The following VPS13B variants were observed in gnomAD, a reference collection of about 807,000 sequenced individuals.
The protein encoded by VPS13B is vacuolar protein sorting 13 homolog B.
VPS13B carries 285 observed loss-of-function variants against 426.4 expected under a neutral mutation model. The observed-to-expected ratio is 0.67, with a 90% confidence interval of 0.61 to 0.74. VPS13B has a LOEUF of 0.74. Ranked by LOEUF, VPS13B falls within the 30% of genes least tolerant of loss-of-function variation. VPS13B has a pLI of 0.00. For synonymous variants in VPS13B, 1,676 were observed against 1,676.4 expected (o/e 1.00, Z 0.01); for missense variants, 4,537 against 4,782.6 (o/e 0.95, Z 1.51).
At chr8:99,199,690 A>G (rs1462583334) in intron 17 of VPS13B, among the ~76,000 whole-genome samples, 1 of 152,030 alleles carries the variant, frequency 6.6e-6, no homozygotes, top group Non-Finnish European at 1.5e-5. Context: ...TTTGAGCACT[A>G]GCTTTATTTT....
chr8:99,507,777 G>A (rs1821577573), intron 28 of VPS13B: 3 of 1,613,890 alleles, frequency 1.9e-6, no homozygotes, highest in African/African-American at 1.3e-5. Context: ...AAGCCTTGGG[G>A]AAGAGTGTTG....
rs756908532 is a variant in VPS13B, at chr8:99,876,911, G to C, written c.*1245G>C. 5.3e-5 allele frequency: 8 copies of C among 152,128 alleles called. No individual in the cohort carries two copies. The highest frequency in any genetic ancestry group is 8.8e-5 in the Non-Finnish European group (6 of 68,034). The allele number at this position is 152,128 out of a possible 1,614,324, so 9.4% of individuals were successfully genotyped here. A position where few individuals can be genotyped will look rare whatever the true frequency, so the allele number is the denominator to read the frequency against. On this transcript the variant is annotated 3_prime_UTR_variant, in exon 62 of 62. Transcript: ENST00000357162. Reference sequence around the variant, plus strand: ...TGTCACCCAGGCTAGAGTACAGTGGGAACAGTCATGGCTCACTGCAGCTTA... The same window carrying C: ...TGTCACCCAGGCTAGAGTACAGTGGCAACAGTCATGGCTCACTGCAGCTTA...
intron 3 of VPS13B, among the ~76,000 whole-genome samples, chr8:99,064,580 C>A: frequency 6.6e-6 from 1 of 152,242 alleles, no homozygotes; most frequent in African/African-American, 2.4e-5. Flanking sequence ...AAGAAATGAA[C>A]AAAGCCTTCA....
intron 17 of VPS13B, among the ~76,000 whole-genome samples, chr8:99,220,780 C>CTTTTTT (rs5893485): frequency 5.8e-4 from 65 of 112,862 alleles, no homozygotes; most frequent in African/African-American, 9.1e-4. Flanking sequence ...TAGTTTTATT[C>CTTTTTT]TTTTTTTTTT....
chr8:99,356,471 G>A (rs1812189028), intron 19 of VPS13B, among the ~76,000 whole-genome samples: 1 of 152,070 alleles, frequency 6.6e-6, no homozygotes, highest in African/African-American at 2.4e-5. Flanking sequence ...AACATGGTGA[G>A]ACCCTGTCTC....
intron 7 of VPS13B, 51 bp from the exon 8 acceptor site, chr8:99,121,126 C>T: frequency 1.3e-6 from 2 of 1,548,346 alleles, no homozygotes; most frequent in Non-Finnish European, 1.8e-6. Context: ...TTTCTATTCT[C>T]TTAGTTAAAT....
intron 23 of VPS13B, among the ~76,000 whole-genome samples, chr8:99,444,195 T>C (rs1277530621): frequency 6.6e-6 from 1 of 151,864 alleles, no homozygotes; most frequent in Non-Finnish European, 1.5e-5. Context: ...GCCTCCCAGG[T>C]TCAAACAATT....
In VPS13B at chr8:99,842,292, A is replaced by AC. The variant is rs544486793; in HGVS notation, c.9943-6483dup. ...ACTTGCAGCAAAAGATGAGTGTGAT[A>AC]CTATCTGCAACTTAAATGTTCAAAA... On this transcript the variant is annotated intron_variant, in intron 54 of 61. Coordinates refer to ENST00000357162, the MANE Select transcript of VPS13B (RefSeq NM_152564.5). 3.6e-3 allele frequency among the ~76,000 whole-genome samples: 548 copies of AC among 152,308 alleles called. 1 individual carries two copies. Among genetic ancestry groups the AC allele is most frequent in the African/African-American group, 0.011 (473 of 41,558 alleles).
At chr8:99,801,971 A>C (rs1202983201) in intron 43 of VPS13B, among the ~76,000 whole-genome samples, 1 of 152,106 alleles carries the variant, frequency 6.6e-6, no homozygotes, top group African/African-American at 2.4e-5. Context: ...GCAACACGGC[A>C]AAACACTATC....
intron 19 of VPS13B, among the ~76,000 whole-genome samples, chr8:99,312,849 T>C (rs1159144169): frequency 1.3e-5 from 2 of 152,246 alleles, no homozygotes; most frequent in African/African-American, 2.4e-5. Context: ...CCATATTTCT[T>C]GGAGGCTTTG....
intron 21 of VPS13B, among the ~76,000 whole-genome samples, chr8:99,430,616 A>G (rs531650966): frequency 1.7e-4 from 26 of 152,130 alleles, no homozygotes; most frequent in Non-Finnish European, 3.5e-4. Context: ...TTTAAATAAT[A>G]TAGGGAGTGG....
At chr8:99,417,769 A>G (rs762206617) in intron 21 of VPS13B, among the ~76,000 whole-genome samples, 1 of 151,682 alleles carries the variant, frequency 6.6e-6, no homozygotes. Flanking sequence ...TCTCCTCTTT[A>G]TTCCCCTTAC....
In VPS13B at chr8:99,257,447, G is replaced by C. The variant is rs112550455; in HGVS notation, c.2516-16751G>C. ...GAGAGTGCCTTGTGGCATACAGTGA[G>C]TTAAACTAAAGAAAGGAGAATAATC... is the stretch of plus-strand genomic sequence containing the variant. On this transcript the variant is annotated intron_variant, in intron 17 of 61. Transcript: ENST00000357162. Among the ~76,000 whole-genome samples the C allele has an allele frequency of 3.8e-3, 586 of 152,244 alleles. 6 individuals carry two copies. The highest frequency in any genetic ancestry group is 0.013 in the African/African-American group (521 of 41,560).
At chr8:99,717,439 G>A in intron 37 of VPS13B, 66 bp downstream of exon 37, 1 of 1,402,928 alleles carries the variant, frequency 7.1e-7, no homozygotes, top group Admixed American at 1.8e-5. Context: ...TTTTTGAACT[G>A]TTTCACTAAA....
At position 99,734,223 on chromosome 8, in the gene VPS13B, G is replaced by T. The variant is rs758051230; in HGVS notation, c.7050+13176G>T. On this transcript the variant is annotated intron_variant, in intron 39 of 61. Coordinates refer to ENST00000357162, the MANE Select transcript of VPS13B (RefSeq NM_152564.5). ...ACTTCATTCCTTTCTGTTGCCAAAT[G>T]ATATTGCTTTATATGGATATACCAC... Among the ~76,000 whole-genome samples the T allele has an allele frequency of 3.9e-5, 6 of 152,254 alleles. 1 individual carries two copies. The Middle Eastern group carries it at 0.01, about 259-fold the overall frequency.
At chr8:99,540,013 T>TTATATATATATATA (rs1209568378) in intron 30 of VPS13B, among the ~76,000 whole-genome samples, 1 of 27,116 alleles carries the variant, frequency 3.7e-5, no homozygotes, top group Non-Finnish European at 6.2e-5. Flanking sequence ...TATAAATAAA[T>TTATATATATATATA]TATATATATA....
chr8:99,653,832 G>GA (rs1244395720), intron 34 of VPS13B, among the ~76,000 whole-genome samples: 1 of 151,966 alleles, frequency 6.6e-6, no homozygotes, highest in Admixed American at 6.6e-5. Flanking sequence ...TTCAAACCAG[G>GA]AAATCTCTTG....
intron 19 of VPS13B, among the ~76,000 whole-genome samples, chr8:99,360,125 T>C (rs1812424930): frequency 1.9e-4 from 3 of 15,478 alleles, no homozygotes; most frequent in South Asian, 2.2e-3. Context: ...TCCTTATCTT[T>C]CTTTCTTTCT....
intron 39 of VPS13B, among the ~76,000 whole-genome samples, chr8:99,726,170 C>G (rs757718585): frequency 6.6e-6 from 1 of 152,062 alleles, no homozygotes; most frequent in South Asian, 2.1e-4. Context: ...ATAAATCAAA[C>G]TAATCATAGG....
Sources: allele counts gnomAD v4.1 joint callset (sites outside exome capture counted in the v4.1 genomes callset), GRCh38; gene constraint gnomAD v4.1.1; transcripts MANE v1.5; gene names NCBI Gene and HGNC (gene_info 2026-07-23, HGNC 2026-07-21).